Variants in MACROD2 observed in about 807,000 individuals in gnomAD.
The protein encoded by MACROD2 is mono-ADP ribosylhydrolase 2, also known as ADP-ribose glycohydrolase MACROD2.
MACROD2 carries 36 observed loss-of-function variants against 70.4 expected under a neutral mutation model. The ratio of observed to expected loss-of-function variants is 0.51; its 90% CI spans 0.39 to 0.68. The LOEUF (loss-of-function observed/expected upper bound fraction) is 0.68. MACROD2 is among the 30% of genes least tolerant of loss of function. The pLI is 0.00. For synonymous variants in MACROD2, 172 were observed against 178.8 expected, an observed-to-expected ratio of 0.96 and a Z score of 0.30; for missense variants, 496 against 538.4, an observed-to-expected ratio of 0.92 and a Z score of 0.78.
At chr20:14,362,071 C>T (rs972855375) in intron 3 of MACROD2, among the ~76,000 whole-genome samples, 2 of 152,182 alleles carry the variant, frequency 1.3e-5, no homozygotes. Context: ...GTGTCAGCTT[C>T]TGTAATGTCC....
intron 6 of MACROD2, among the ~76,000 whole-genome samples, chr20:15,250,598 A>G (rs2077146790): frequency 6.6e-6 from 1 of 152,162 alleles, no homozygotes; most frequent in African/African-American, 2.4e-5. Flanking sequence ...CTTGTTTATC[A>G]TTTCAACATT....
At chr20:14,028,246 G>A (rs963331175) in intron 2 of MACROD2, among the ~76,000 whole-genome samples, 1 of 152,152 alleles carries the variant, frequency 6.6e-6, no homozygotes, top group African/African-American at 2.4e-5. Context: ...CCTCAGTAAT[G>A]GCAGCTACTC....
intron 5 of MACROD2, among the ~76,000 whole-genome samples, chr20:14,872,420 A>G (rs943435038): frequency 2.6e-5 from 4 of 152,146 alleles, no homozygotes; most frequent in African/African-American, 9.7e-5. Flanking sequence ...CAGGAGGGAA[A>G]AAAAGGGTAA....
chr20:16,050,136 G>T lies in MACROD2; in HGVS notation c.*260G>T. 1 of 340,812 alleles carries T rather than the reference G, an allele frequency of 2.9e-6. No individual in the cohort carries two copies. The highest frequency in any genetic ancestry group is 5.5e-6 in the Non-Finnish European group (1 of 182,834). 21.1% of individuals were successfully genotyped at this position (340,812 alleles called of 1,614,324 possible). A position where few individuals can be genotyped will look rare whatever the true frequency, so the allele number is the denominator to read the frequency against. ...TTCAGGCATTATCCTTGTAATTTCT[G>T]TCTTTTCTCTTACAACTTTGCCCCA... On this transcript the variant is annotated 3_prime_UTR_variant, in exon 18 of 18. Transcript: ENST00000684519.
chr20:15,728,748 C>T (rs2050901064), intron 8 of MACROD2, among the ~76,000 whole-genome samples: 2 of 151,884 alleles, frequency 1.3e-5, no homozygotes, highest in African/African-American at 2.4e-5. Context: ...GGTAATGTCC[C>T]CTTTGTCATT....
At chr20:14,438,690 T>TTAGC (rs1383902369) in intron 3 of MACROD2, among the ~76,000 whole-genome samples, 4 of 152,178 alleles carry the variant, frequency 2.6e-5, no homozygotes, top group Non-Finnish European at 5.9e-5. Flanking sequence ...CATGTACCAG[T>TTAGC]TAGCCATTTT....
chr20:15,290,975 A>C (rs1426865112), intron 6 of MACROD2, among the ~76,000 whole-genome samples: 2 of 152,212 alleles, frequency 1.3e-5, no homozygotes, highest in African/African-American at 4.8e-5. Flanking sequence ...ATGAAATGAT[A>C]GGCTAAGTGT....
rs2073023325 is a variant in MACROD2, at chr20:14,835,833, T to A, written c.418+150874T>A. Among the ~76,000 whole-genome samples, 2 of 152,098 alleles carry A rather than the reference T, an allele frequency of 1.3e-5. 1 individual carries two copies. Among genetic ancestry groups the A allele is most frequent in the Non-Finnish European group, 2.9e-5 (2 of 67,964 alleles). ...ACAGTGTGTTAGGTCCCATCACTCA[T>A]ATTGCCTTAGTATCCATTAGGGCTA... is the stretch of plus-strand genomic sequence containing the variant. On this transcript the variant is annotated intron_variant, in intron 5 of 17. Coordinates refer to ENST00000684519, the MANE Select transcript of MACROD2 (RefSeq NM_001351661.2).
At chr20:14,452,967 G>C (rs1350088149) in intron 3 of MACROD2, among the ~76,000 whole-genome samples, 1 of 152,050 alleles carries the variant, frequency 6.6e-6, no homozygotes, top group Non-Finnish European at 1.5e-5. Context: ...ATTTGTACTG[G>C]TTGGTATCAT....
chr20:14,992,012 G>A (rs2074908816), intron 5 of MACROD2, among the ~76,000 whole-genome samples: 1 of 152,134 alleles, frequency 6.6e-6, no homozygotes, highest in African/African-American at 2.4e-5. Context: ...AGTGGGTGGT[G>A]GGAGGAGAGG....
chr20:16,019,208 A>G (rs114330134), intron 15 of MACROD2, among the ~76,000 whole-genome samples: 59 of 152,348 alleles, frequency 3.9e-4, no homozygotes, highest in African/African-American at 1.3e-3. Context: ...GAAAAACTTT[A>G]AAAAGAACAA....
intron 8 of MACROD2, among the ~76,000 whole-genome samples, chr20:15,660,636 C>G (rs1326646576): frequency 2.0e-5 from 3 of 152,116 alleles, no homozygotes; most frequent in Non-Finnish European, 4.4e-5. Context: ...CTGATTGAGC[C>G]TCTTTATCTT....
intron 4 of MACROD2, among the ~76,000 whole-genome samples, chr20:14,581,896 TG>T (rs1336362268): frequency 6.6e-6 from 1 of 152,200 alleles, no homozygotes; most frequent in Admixed American, 6.5e-5. Context: ...CAATATGGGA[TG>T]GGAGCAGGTA....
At chr20:14,724,888 C>G (rs2071509974) in intron 5 of MACROD2, among the ~76,000 whole-genome samples, 1 of 152,096 alleles carries the variant, frequency 6.6e-6, no homozygotes, top group African/African-American at 2.4e-5. Context: ...TATTTTTTTA[C>G]ATATTACTTG....
intron 10 of MACROD2, among the ~76,000 whole-genome samples, chr20:15,929,797 G>A (rs922107080): frequency 3.3e-5 from 5 of 152,142 alleles, no homozygotes; most frequent in African/African-American, 7.2e-5. Flanking sequence ...TCATAGTCAC[G>A]TTGCAGCAGG....
intron 12 of MACROD2, among the ~76,000 whole-genome samples, chr20:15,959,123 A>G (rs1013759183): frequency 1.3e-5 from 2 of 152,232 alleles, no homozygotes; most frequent in Admixed American, 6.5e-5. Flanking sequence ...AAATCCTTCT[A>G]TAATTGAAAA....
At position 15,885,813 on chromosome 20, in the gene MACROD2, T is replaced by A. The variant is rs368924007; in HGVS notation, c.775+2T>A. 2.0e-6 allele frequency: 3 copies of A among 1,498,922 alleles called. No homozygotes were observed. The highest frequency in any genetic ancestry group is 1.8e-6 in the Non-Finnish European group (2 of 1,125,256). The allele number at this position is 1,498,922 out of a possible 1,614,324, so 92.9% of individuals were successfully genotyped here. ...ATGTTGAAATGAAAGAAGATTCAGG[T>A]ATTAAATTCATACTTTTATTATTAG... On this transcript the variant is annotated splice_donor_variant, in intron 10 of 17. Coordinates refer to ENST00000684519, the MANE Select transcript of MACROD2 (RefSeq NM_001351661.2). LOFTEE classifies it high-confidence loss of function.
intron 5 of MACROD2, among the ~76,000 whole-genome samples, chr20:15,206,721 G>GTTTGTTTTTT (rs2076707182): frequency 3.0e-5 from 1 of 32,990 alleles, no homozygotes; most frequent in African/African-American, 1.5e-4. Flanking sequence ...TATTATCTAT[G>GTTTGTTTTTT]TTTTTTTTTT....
Position 15,747,892 on chromosome 20 carries a change from G to A in MACROD2, c.646-114853G>A, listed in dbSNP as rs150271909. Among the ~76,000 whole-genome samples the A allele has an allele frequency of 3.3e-3, 500 of 152,204 alleles. 3 individuals are homozygous for A. The highest frequency in any genetic ancestry group is 0.011 in the African/African-American group (470 of 41,554). ...TTCTTGACATTAGCAGAAAAGCTTT[G>A]AGTAGATAATACAATTTTGTTTCTT... is the stretch of plus-strand genomic sequence containing the variant. On this transcript the variant is annotated intron_variant, in intron 8 of 17. Coordinates refer to ENST00000684519, the MANE Select transcript of MACROD2 (RefSeq NM_001351661.2).
Sources: gnomAD v4.1 joint callset for allele counts (sites outside exome capture counted in the v4.1 genomes callset) on GRCh38, gnomAD v4.1.1 for gene constraint, MANE v1.5 for transcripts, NCBI Gene and HGNC (gene_info 2026-07-23, HGNC 2026-07-21) for gene names.